The following ARHGAP35 variants were observed in gnomAD, a reference collection of about 807,000 sequenced individuals.
ARHGAP35 encodes the protein Rho GTPase activating protein 35, also known as rho GTPase-activating protein 35.
Under a neutral mutation model 111.1 loss-of-function variants are expected in ARHGAP35, and 15 were observed. The observed-to-expected ratio is 0.13, with a 90% CI of 0.09 to 0.21. ARHGAP35 has a LOEUF of 0.21. Ranked by LOEUF, ARHGAP35 falls within the 10% of genes least tolerant of loss-of-function variation. ARHGAP35 has a pLI of 1.00. For synonymous variants in ARHGAP35, 643 were observed against 710.3 expected (o/e 0.91, Z 1.51); for missense variants, 1,262 against 1,873.0 (o/e 0.67, Z 6.02).
rs142530336 is a variant in ARHGAP35 at position 46,953,688 on chromosome 19, A to C, written c.3826+16280A>C. Reference sequence around the variant, plus strand: ...CCCCCATATTGCCGGCATGGGTTCAACCAAACCCCTCCTTCATACTTGAAA... The same window carrying C: ...CCCCCATATTGCCGGCATGGGTTCACCCAAACCCCTCCTTCATACTTGAAA... On this transcript the variant is annotated intron_variant, in intron 3 of 6. Transcript: ENST00000672722. Among the ~76,000 whole-genome samples, 744 of 152,260 alleles carry C rather than the reference A, an allele frequency of 4.9e-3. 3 individuals are homozygous for C. The highest frequency in any genetic ancestry group is 0.017 in the Middle Eastern group (5 of 294).
rs1314429771 is a variant in ARHGAP35, at chr19:46,887,852, T to G, written c.-189+26643T>G. Among the ~76,000 whole-genome samples, 3 of 152,174 alleles carry G rather than the reference T, an allele frequency of 2.0e-5. No homozygotes were observed. In the East Asian group the frequency reaches 5.8e-4, roughly 29 times the overall value. Reference sequence around the variant, plus strand: ...TTCTTTAGGTCTCTGGCTTAGATTTTATTTTTTTCAGGAAGCCTTCCCTGA... The same window carrying G: ...TTCTTTAGGTCTCTGGCTTAGATTTGATTTTTTTCAGGAAGCCTTCCCTGA... On this transcript the variant is annotated intron_variant, in intron 1 of 6. Transcript: ENST00000672722.
intron 3 of ARHGAP35, 102 bp downstream of exon 3, chr19:46,937,510 T>G: frequency 7.6e-7 from 1 of 1,319,774 alleles, no homozygotes. Context: ...TGTTGTTGAT[T>G]GTGAGATGCT....
In ARHGAP35 at chr19:46,999,326, G is replaced by A; in HGVS notation, c.4059G>A (p.Lys1353=). The A allele has an allele frequency of 1.9e-6, 3 of 1,591,652 alleles. No homozygotes were observed. The highest frequency in any genetic ancestry group is 2.3e-5 in the South Asian group (2 of 87,030). The change falls in exon 6 of 7, where the codon AAG becomes AAA. Residue 1353 remains lysine, a synonymous_variant. Transcript: ENST00000672722. This position sits in a 1 kb window ranked among gnomAD's most constrained non-coding sequence, Gnocchi z 5.4. ...CAGAAATCAACGACCGGGAGCAGAA[G>A]TTGCATGCCCTTAAGGAGGTATTAA... is the stretch of plus-strand genomic sequence containing the variant. The part of the protein sequence containing the change: ...EAHKINDREQ[K]LHALKEVLKK...
rs994622099 is a variant in ARHGAP35 at position 47,004,923 on chromosome 19, C to T, written c.*4235C>T. The T allele has an allele frequency of 3.9e-5, 6 of 152,156 alleles. No individual in the cohort carries two copies. The highest frequency in any genetic ancestry group is 3.9e-4 in the Admixed American group (6 of 15,276). 9.4% of individuals were successfully genotyped at this position (152,156 alleles called of 1,614,324 possible). A position where few individuals can be genotyped will look rare whatever the true frequency, so the allele number is the denominator to read the frequency against. ...GGTCAGCCCTCAATGAAGGCTGAGG[C>T]ATCTCTGACTGAGGTGTTTTTGTTT... On this transcript the variant is annotated 3_prime_UTR_variant, in exon 7 of 7. Coordinates refer to ENST00000672722, the MANE Select transcript of ARHGAP35 (RefSeq NM_004491.5).
chr19:46,966,476 G>A (rs2056515728), intron 3 of ARHGAP35, among the ~76,000 whole-genome samples: 1 of 152,184 alleles, frequency 6.6e-6, no homozygotes, highest in East Asian at 1.9e-4. Context: ...TTGAGCGTGG[G>A]AGGTTGAAGC....
chr19:46,933,705 C>A (rs2056287129), intron 2 of ARHGAP35, among the ~76,000 whole-genome samples: 1 of 152,094 alleles, frequency 6.6e-6, no homozygotes, highest in South Asian at 2.1e-4. Flanking sequence ...CCTGTAATCC[C>A]AGCACTTTGG....
chr19:46,922,283 C>T lies in ARHGAP35; in HGVS notation c.3608C>T (p.Ala1203Val), dbSNP rs566685888. 16 of 1,613,748 alleles carry T rather than the reference C, an allele frequency of 9.9e-6. No individual in the cohort carries two copies. Among genetic ancestry groups the T allele is most frequent in the Middle Eastern group, 1.6e-4 (1 of 6,084 alleles). ...QASQGYKGDN[A>V]VIPYETDEDP... Reference sequence around the variant, plus strand: ...TCCCAGGGTTATAAAGGGGACAATGCTGTCATTCCATACGAAACAGACGAA... The same window carrying T: ...TCCCAGGGTTATAAAGGGGACAATGTTGTCATTCCATACGAAACAGACGAA... Residue 1203 changes from alanine to valine, a missense_variant, in exon 2 of 7, where the codon GCT becomes GTT. By Grantham distance (64) the Ala-to-Val change is moderately conservative. Around this residue, in one of 8 missense-constraint regions of ARHGAP35, gnomAD observed 579 missense variants for 716.9 expected, o/e 0.81. Transcript: ENST00000672722. The surrounding 1 kb of genome is among the most constrained non-coding windows in gnomAD (Gnocchi z 4.0).
rs559668143 is a variant in ARHGAP35, at chr19:46,989,478, C to T, written c.3905-66C>T. ...GGTTTCTCTAGCCTCTCCTGAGCCCCGAGTTGTCCTGATGCTTCTGCCTGG... is the reference window on the plus strand; with the variant it reads ...GGTTTCTCTAGCCTCTCCTGAGCCCTGAGTTGTCCTGATGCTTCTGCCTGG... On this transcript the variant is annotated intron_variant, in intron 4 of 6. Coordinates refer to ENST00000672722, the MANE Select transcript of ARHGAP35 (RefSeq NM_004491.5). The surrounding 1 kb of genome is among the most constrained non-coding windows in gnomAD (Gnocchi z 5.3). The T allele has an allele frequency of 1.4e-5, 23 of 1,598,358 alleles. No individual in the cohort carries two copies. The highest frequency in any genetic ancestry group is 9.4e-5 in the African/African-American group (7 of 74,706).
intron 3 of ARHGAP35, among the ~76,000 whole-genome samples, chr19:46,974,565 G>T (rs1057484656): frequency 1.3e-5 from 2 of 152,142 alleles, no homozygotes; most frequent in Admixed American, 6.6e-5. Context: ...GAGCTTCTGT[G>T]CCCTCTCTGG....
chr19:46,954,429 T>C (rs1357811840), intron 3 of ARHGAP35, among the ~76,000 whole-genome samples: 3 of 152,188 alleles, frequency 2.0e-5, no homozygotes, highest in Admixed American at 6.5e-5. Flanking sequence ...GAAATGGGAA[T>C]TGAGGCAACT....
At chr19:46,893,123 A>G (rs574597181) in intron 1 of ARHGAP35, among the ~76,000 whole-genome samples, 4 of 152,206 alleles carry the variant, frequency 2.6e-5, no homozygotes, top group Non-Finnish European at 5.9e-5. Flanking sequence ...GGAGAAGGCT[A>G]TAAATTAAAA....
At chr19:46,938,188 A>G (rs936001949) in intron 3 of ARHGAP35, among the ~76,000 whole-genome samples, 20 of 152,216 alleles carry the variant, frequency 1.3e-4, no homozygotes, top group Middle Eastern at 3.4e-3. Flanking sequence ...TGTTCTTTCT[A>G]ACTCTGATAT....
intron 1 of ARHGAP35, among the ~76,000 whole-genome samples, chr19:46,892,146 AAG>A (rs1459197293): frequency 1.3e-5 from 2 of 149,122 alleles, no homozygotes; most frequent in African/African-American, 4.9e-5. Flanking sequence ...AAAAAAAAAA[AAG>A]AAAAATTAGC....
intron 3 of ARHGAP35, among the ~76,000 whole-genome samples, chr19:46,941,193 G>T (rs1419114599): frequency 6.6e-6 from 1 of 152,052 alleles, no homozygotes; most frequent in African/African-American, 2.4e-5. Flanking sequence ...GTATTTCTTT[G>T]CCTTAGGGCA....
At chr19:46,867,588 G>A (rs1330689040) in intron 1 of ARHGAP35, among the ~76,000 whole-genome samples, 1 of 152,088 alleles carries the variant, frequency 6.6e-6, no homozygotes, top group Non-Finnish European at 1.5e-5. Flanking sequence ...TTATTTTGTG[G>A]CTAATAATAC....
At chr19:46,866,029 T>C (rs768580079) in intron 1 of ARHGAP35, among the ~76,000 whole-genome samples, 4 of 152,012 alleles carry the variant, frequency 2.6e-5, no homozygotes, top group African/African-American at 9.7e-5. Context: ...TTAGTAGAGA[T>C]GGGGTTTCAC....
chr19:46,864,729 C>T (rs941379325), intron 1 of ARHGAP35, among the ~76,000 whole-genome samples: 1 of 152,150 alleles, frequency 6.6e-6, no homozygotes, highest in Non-Finnish European at 1.5e-5. Flanking sequence ...CATGGGTTTT[C>T]ACCATTATTG....
At chr19:46,970,665 C>T (rs533261625) in intron 3 of ARHGAP35, among the ~76,000 whole-genome samples, 13 of 152,172 alleles carry the variant, frequency 8.5e-5, no homozygotes, top group South Asian at 4.1e-4. Flanking sequence ...TACCACTGAT[C>T]GAGAGCAAGC....
At position 46,927,805 on chromosome 19, in the gene ARHGAP35, G is replaced by A. The variant is rs2056247319; in HGVS notation, c.3681+5449G>A. Among the ~76,000 whole-genome samples the A allele has an allele frequency of 2.6e-5, 4 of 152,126 alleles. No homozygotes were observed. In the South Asian group the frequency reaches 8.3e-4, roughly 32 times the overall value. On this transcript the variant is annotated intron_variant, in intron 2 of 6. Transcript: ENST00000672722. ...GCCCAAGTGAGTGTAGCCACTGAGT[G>A]GAAGAGCTGAGATTCTGAACCCTGG...
Sources: allele counts gnomAD v4.1 joint callset (sites outside exome capture counted in the v4.1 genomes callset), GRCh38; gene constraint gnomAD v4.1.1; regional missense constraint gnomAD v4.1.1; non-coding constraint Gnocchi (gnomAD v3.1); transcripts MANE v1.5; gene names NCBI Gene and HGNC (gene_info 2026-07-23, HGNC 2026-07-21).